Variants in CDK14 observed in about 807,000 individuals in gnomAD.
CDK14 encodes cyclin-dependent kinase 14.
CDK14 carries 34 observed loss-of-function variants against 60.7 expected under a neutral mutation model. The observed-to-expected ratio is 0.56, with a 90% CI of 0.43 to 0.75. The LOEUF is 0.75. CDK14 is among the 30% of genes least tolerant of loss of function. The pLI is 0.00. For synonymous variants in CDK14, 197 were observed against 203.7 expected (o/e 0.97, Z 0.28); for missense variants, 482 against 564.1 (o/e 0.85, Z 1.47).
chr7:90,702,322 G>T (rs1801802816), intron 2 of CDK14, among the ~76,000 whole-genome samples: 1 of 152,146 alleles, frequency 6.6e-6, no homozygotes, highest in Non-Finnish European at 1.5e-5. Flanking sequence ...TGCAGAGTAG[G>T]TTAAAGCATT....
At chr7:90,896,168 T>C (rs1792331557) in intron 6 of CDK14, among the ~76,000 whole-genome samples, 1 of 152,132 alleles carries the variant, frequency 6.6e-6, no homozygotes, top group South Asian at 2.1e-4. Flanking sequence ...CATTTAAAGG[T>C]CTAAATTTTC....
chr7:90,891,015 C>T (rs1792105534), intron 6 of CDK14, among the ~76,000 whole-genome samples: 1 of 152,144 alleles, frequency 6.6e-6, no homozygotes, highest in African/African-American at 2.4e-5. Context: ...ATGAAGATGA[C>T]ATTGGCCAGT....
intron 4 of CDK14, 40 bp downstream of exon 4, chr7:90,747,815 T>G (rs770819846): frequency 1.0e-6 from 1 of 980,240 alleles, no homozygotes; most frequent in East Asian, 2.9e-5. Context: ...ATGTACAGTG[T>G]ATCTGCCCTC....
At chr7:90,705,560 A>G (rs376745524) in intron 2 of CDK14, among the ~76,000 whole-genome samples, 6 of 151,428 alleles carry the variant, frequency 4.0e-5, no homozygotes, top group African/African-American at 1.5e-4. Context: ...TAAGGCCTAC[A>G]TGTTTTCCAC....
intron 5 of CDK14, among the ~76,000 whole-genome samples, chr7:90,833,611 C>T (rs1454518851): frequency 3.3e-5 from 5 of 152,118 alleles, no homozygotes; most frequent in Non-Finnish European, 7.4e-5. Flanking sequence ...GAAGAGTAGT[C>T]TAGATAAGGC....
intron 7 of CDK14, among the ~76,000 whole-genome samples, chr7:90,904,377 A>G (rs1416081035): frequency 6.6e-6 from 1 of 152,134 alleles, no homozygotes; most frequent in African/African-American, 2.4e-5. Flanking sequence ...TTAAAAAATT[A>G]TCATTAATAG....
chr7:90,853,412 A>G (rs1790713405), intron 5 of CDK14, among the ~76,000 whole-genome samples: 1 of 152,060 alleles, frequency 6.6e-6, no homozygotes, highest in African/African-American at 2.4e-5. Context: ...CAAGGAAGAA[A>G]AGACAAAGAC....
chr7:90,712,432 A>G (rs1291798595), intron 2 of CDK14, among the ~76,000 whole-genome samples: 1 of 151,954 alleles, frequency 6.6e-6, no homozygotes, highest in African/African-American at 2.4e-5. Flanking sequence ...GTGTTTTAGC[A>G]TGTTTTCAAG....
intron 14 of CDK14, among the ~76,000 whole-genome samples, chr7:91,175,749 G>C (rs1159728514): frequency 5.4e-5 from 8 of 148,664 alleles, no homozygotes; most frequent in Non-Finnish European, 1.1e-4. Context: ...AATTCAACAA[G>C]AAGAGCTAAC....
At chr7:90,668,083 T>C (rs937534929) in intron 2 of CDK14, among the ~76,000 whole-genome samples, 6 of 152,216 alleles carry the variant, frequency 3.9e-5, no homozygotes, top group African/African-American at 1.4e-4. Context: ...GTATAACTTT[T>C]TGCGGAACTG....
At chr7:90,645,890 G>A (rs998329054) in intron 2 of CDK14, among the ~76,000 whole-genome samples, 2 of 152,176 alleles carry the variant, frequency 1.3e-5, no homozygotes, top group African/African-American at 4.8e-5. Flanking sequence ...ATAATTAACA[G>A]CCACTTAGTA....
At chr7:90,722,505 A>C (rs567355547) in intron 2 of CDK14, among the ~76,000 whole-genome samples, 34 of 152,286 alleles carry the variant, frequency 2.2e-4, no homozygotes, top group African/African-American at 7.9e-4. Flanking sequence ...ATGCCCAGCT[A>C]AGTTGATTGT....
intron 10 of CDK14, among the ~76,000 whole-genome samples, chr7:91,025,670 C>G (rs1796548838): frequency 6.6e-6 from 1 of 152,136 alleles, no homozygotes; most frequent in Admixed American, 6.5e-5. Flanking sequence ...TACAGTGTAG[C>G]CTGGAAATGC....
At chr7:90,808,721 C>A (rs1412956474) in intron 5 of CDK14, among the ~76,000 whole-genome samples, 1 of 152,056 alleles carries the variant, frequency 6.6e-6, no homozygotes, top group Non-Finnish European at 1.5e-5. Flanking sequence ...TCAGGAAACC[C>A]ATCTCATGTG....
At chr7:91,167,392 A>G (rs895961595) in intron 14 of CDK14, among the ~76,000 whole-genome samples, 6 of 152,202 alleles carry the variant, frequency 3.9e-5, no homozygotes, top group African/African-American at 7.2e-5. Flanking sequence ...TCAAGTTGCA[A>G]TTCACCTGGA....
chr7:90,791,084 T>A (rs544961113), intron 5 of CDK14, among the ~76,000 whole-genome samples: 1 of 152,314 alleles, frequency 6.6e-6, no homozygotes, highest in South Asian at 2.1e-4. Context: ...TACTGTACTT[T>A]TACTGGTTTT....
At chr7:91,179,505 T>A (rs1251147328) in intron 14 of CDK14, among the ~76,000 whole-genome samples, 4 of 147,502 alleles carry the variant, frequency 2.7e-5, no homozygotes, top group Admixed American at 6.7e-5. Context: ...AAAGTATAAT[T>A]AAAAAAAAAA....
intron 8 of CDK14, among the ~76,000 whole-genome samples, chr7:90,941,745 C>T (rs1361285871): frequency 1.3e-5 from 2 of 152,142 alleles, no homozygotes; most frequent in East Asian, 3.9e-4. Context: ...CATGCCACTG[C>T]ACCCAGCATG....
intron 10 of CDK14, among the ~76,000 whole-genome samples, chr7:90,992,496 T>G (rs903195236): frequency 6.6e-6 from 1 of 152,222 alleles, no homozygotes; most frequent in Non-Finnish European, 1.5e-5. Flanking sequence ...CTCATAGAAC[T>G]GATATTCCTG....
Sources: gnomAD v4.1 joint callset for allele counts (sites outside exome capture counted in the v4.1 genomes callset) on GRCh38, gnomAD v4.1.1 for gene constraint, MANE v1.5 for transcripts, NCBI Gene and HGNC (gene_info 2026-07-23, HGNC 2026-07-21) for gene names.